Variants in SIPA1L1 observed in about 807,000 individuals in gnomAD.
SIPA1L1 encodes signal induced proliferation associated 1 like 1.
Under a neutral mutation model 162.7 loss-of-function variants are expected in SIPA1L1, and 26 were observed. That is an observed-to-expected ratio of 0.16 (90% confidence interval 0.12 to 0.22). SIPA1L1 has a LOEUF of 0.22. Among genes scored for constraint, SIPA1L1 ranks in the 10% least tolerant of loss-of-function variants. The probability of loss-of-function intolerance (pLI) is 1.00; values close to 1 mark genes in which losing one functional copy is unlikely to be tolerated. For missense variants in SIPA1L1, 1,874 were observed against 2,241.0 expected, an observed-to-expected ratio of 0.84 and a Z score of 3.31; for synonymous variants, 829 against 837.4, an observed-to-expected ratio of 0.99 and a Z score of 0.17.
At chr14:71,493,028 A>G (rs936870875) in intron 2 of SIPA1L1, among the ~76,000 whole-genome samples, 18 of 152,070 alleles carry the variant, frequency 1.2e-4, no homozygotes, top group Admixed American at 1.0e-3. Flanking sequence ...TTCCAAATCA[A>G]TTTATATCGA....
chr14:71,422,152 A>G (rs1462944808), intron 2 of SIPA1L1, among the ~76,000 whole-genome samples: 2 of 152,234 alleles, frequency 1.3e-5, no homozygotes, highest in Non-Finnish European at 2.9e-5. Flanking sequence ...GCTCATACCT[A>G]TAATAATTAT....
At chr14:71,577,382 T>TA (rs925248744) in intron 4 of SIPA1L1, among the ~76,000 whole-genome samples, 2 of 151,204 alleles carry the variant, frequency 1.3e-5, no homozygotes, top group African/African-American at 4.8e-5. Flanking sequence ...AGCACTTATT[T>TA]TTTTTTTTTT....
chr14:71,588,918 A>G lies in SIPA1L1; in HGVS notation c.1046A>G (p.Asn349Ser). The change falls in exon 5 of 24, where the codon AAC becomes AGC. Residue 349 changes from asparagine to serine, a missense_variant. By Grantham distance (46) the Asn-to-Ser change is conservative. This residue lies in a region of SIPA1L1 where 685 missense variants were observed against 828.0 expected (regional missense o/e 0.83). Transcript: ENST00000381232. This position sits in a 1 kb window ranked among gnomAD's most constrained non-coding sequence, Gnocchi z 4.3. ...ILFDLNEAIM[N>S]RHNVIKRRNT... is the part of the protein sequence containing the mutation. The stretch of plus-strand genomic sequence containing the variant: ...TTTGATTTGAATGAGGCAATTATGA[A>G]CAGGCACAATGTTATTAAGAGGAGA... 6.2e-7 allele frequency: 1 copy of G among 1,614,108 alleles called. No homozygotes were observed. The highest frequency in any genetic ancestry group is 1.7e-5 in the Admixed American group (1 of 60,020).
At chr14:71,372,584 C>T (rs554729978) in intron 2 of SIPA1L1, among the ~76,000 whole-genome samples, 1 of 152,232 alleles carries the variant, frequency 6.6e-6, no homozygotes, top group South Asian at 2.1e-4. Flanking sequence ...AATTTTTCTT[C>T]CTCTTTCAGT....
At chr14:71,591,835 C>T (rs936700641) in intron 5 of SIPA1L1, among the ~76,000 whole-genome samples, 1 of 152,126 alleles carries the variant, frequency 6.6e-6, no homozygotes, top group Non-Finnish European at 1.5e-5. Context: ...AATTTTTTCT[C>T]ATTTTTTCAT....
intron 15 of SIPA1L1, 126 bp downstream of exon 15, chr14:71,702,631 GTC>G: frequency 1.2e-6 from 1 of 833,730 alleles, no homozygotes; most frequent in Non-Finnish European, 1.8e-6. Context: ...TTAGAATTAA[GTC>G]TCTGTTAGAT....
intron 2 of SIPA1L1, among the ~76,000 whole-genome samples, chr14:71,482,715 T>A (rs2142759893): frequency 6.6e-6 from 1 of 152,330 alleles, no homozygotes; most frequent in East Asian, 1.9e-4. Context: ...CTGAATGATC[T>A]TATGGAGATG....
chr14:71,701,263 G>A (rs1316296524), intron 14 of SIPA1L1, among the ~76,000 whole-genome samples: 1 of 151,976 alleles, frequency 6.6e-6, no homozygotes, highest in African/African-American at 2.4e-5. Context: ...ACCCATACAT[G>A]TATCAGCCTA....
intron 16 of SIPA1L1, among the ~76,000 whole-genome samples, chr14:71,708,612 A>G (rs139685858): frequency 1.4e-3 from 207 of 152,322 alleles, no homozygotes; most frequent in Non-Finnish European, 2.4e-3. Flanking sequence ...GGTGTGAGCC[A>G]CTGCCCCAGT....
chr14:71,377,121 G>C lies in SIPA1L1; in HGVS notation c.-465+55940G>C, dbSNP rs1359366822. Among the ~76,000 whole-genome samples, 3 of 146,634 alleles carry C rather than the reference G, an allele frequency of 2.0e-5. No individual in the cohort carries two copies. The highest frequency in any genetic ancestry group is 4.5e-5 in the Non-Finnish European group (3 of 66,102). On this transcript the variant is annotated intron_variant, in intron 2 of 23. Transcript: ENST00000381232. The surrounding 1 kb of genome is among the most constrained non-coding windows in gnomAD (Gnocchi z 4.8). ...CCAGATGTGGCGGCCGGGCAGAGGG[G>C]CCCCCCCACCCCCCAGATGGGGCGG...
Position 71,738,313 on chromosome 14 carries a change from A to G in SIPA1L1, c.5196A>G (p.Glu1732=), listed in dbSNP as rs2085497879. 1.2e-6 allele frequency: 2 copies of G among 1,612,630 alleles called. No individual in the cohort carries two copies. The highest frequency in any genetic ancestry group is 1.3e-5 in the African/African-American group (1 of 75,030). Residue 1732 remains glutamate (E), a synonymous_variant, in exon 23 of 24, where the codon GAA becomes GAG. Coordinates refer to ENST00000381232, the MANE Select transcript of SIPA1L1 (RefSeq NM_001386936.1). The part of the protein sequence containing the change: ...QLEGMLKMLR[E]DLKKEKEDKA... ...AAGGTATGCTGAAGATGCTTCGGGA[A>G]GATTTGAAGAAGGTAAACATGTATT... is the stretch of plus-strand genomic sequence containing the variant.
intron 14 of SIPA1L1, among the ~76,000 whole-genome samples, chr14:71,701,972 T>C (rs891589306): frequency 6.6e-6 from 1 of 152,192 alleles, no homozygotes; most frequent in Non-Finnish European, 1.5e-5. Context: ...GAAACAAACC[T>C]CCACAGTATA....
intron 2 of SIPA1L1, among the ~76,000 whole-genome samples, chr14:71,324,095 G>A (rs1412002769): frequency 1.3e-5 from 2 of 152,140 alleles, no homozygotes; most frequent in Non-Finnish European, 2.9e-5. Flanking sequence ...GCGGAGATGG[G>A]CTCAAGACTT....
At position 71,661,482 on chromosome 14, in the gene SIPA1L1, C is replaced by CA. The variant is rs2043504941; in HGVS notation, c.2255+16dup. On this transcript the variant is annotated intron_variant, in intron 10 of 23. Transcript: ENST00000381232. ...GTCTGTTATAGGTGTGTATGGGTGT[C>CA]ACAGCAGGGGCTCTGTGGATGTTGG... The CA allele has an allele frequency of 2.5e-6, 4 of 1,608,650 alleles. No homozygotes were observed. The highest frequency in any genetic ancestry group is 3.4e-5 in the Admixed American group (2 of 59,616).
At chr14:71,736,939 G>C (rs897209187) in intron 22 of SIPA1L1, among the ~76,000 whole-genome samples, 3 of 152,202 alleles carry the variant, frequency 2.0e-5, no homozygotes, top group African/African-American at 2.4e-5. Context: ...ACTGCTGCCC[G>C]GCCCCAGCCT....
At chr14:71,328,520 T>C (rs1281917533) in intron 2 of SIPA1L1, among the ~76,000 whole-genome samples, 1 of 152,210 alleles carries the variant, frequency 6.6e-6, no homozygotes. Context: ...TTTAGATCTA[T>C]GCTTGACAAT....
At chr14:71,628,718 C>T (rs965592912) in intron 7 of SIPA1L1, among the ~76,000 whole-genome samples, 1 of 152,136 alleles carries the variant, frequency 6.6e-6, no homozygotes, top group Non-Finnish European at 1.5e-5. Context: ...CATGGAGGTA[C>T]AAGCCAGTGG....
At chr14:71,573,687 A>G (rs1329205639) in intron 4 of SIPA1L1, 2 of 456,618 alleles carry the variant, frequency 4.4e-6, no homozygotes, top group African/African-American at 2.0e-5. Flanking sequence ...AACAACATGA[A>G]TATTTTCTGG....
At chr14:71,499,713 A>T (rs892773535) in intron 2 of SIPA1L1, among the ~76,000 whole-genome samples, 3 of 152,182 alleles carry the variant, frequency 2.0e-5, no homozygotes, top group Admixed American at 1.3e-4. Context: ...GTAATGAGAT[A>T]TTCAGGGGTG....
Sources: allele counts gnomAD v4.1 joint callset (sites outside exome capture counted in the v4.1 genomes callset), GRCh38; gene constraint gnomAD v4.1.1; regional missense constraint gnomAD v4.1.1; non-coding constraint Gnocchi (gnomAD v3.1); transcripts MANE v1.5; gene names NCBI Gene and HGNC (gene_info 2026-07-23, HGNC 2026-07-21).